Variants in CDH13 observed in about 807,000 individuals in gnomAD.
CDH13 encodes the protein cadherin 13.
CDH13 carries 24 observed loss-of-function variants against 63.8 expected under a neutral mutation model. The observed-to-expected ratio is 0.38, with a 90% confidence interval of 0.27 to 0.53. CDH13 has a LOEUF of 0.53. Ranked by LOEUF, CDH13 falls within the 20% of genes least tolerant of loss-of-function variation. The pLI, the probability that CDH13 is intolerant of heterozygous loss-of-function variation, is 0.85. For missense variants in CDH13, 1,049 were observed against 903.1 expected, an observed-to-expected ratio of 1.16 and a Z score of -2.07; for synonymous variants, 503 against 355.3, an observed-to-expected ratio of 1.42 and a Z score of -4.67.
intron 4 of CDH13, among the ~76,000 whole-genome samples, chr16:83,204,602 G>A (rs535739395): frequency 4.6e-5 from 7 of 152,268 alleles, no homozygotes; most frequent in South Asian, 2.1e-4. Flanking sequence ...CACGTTGTCC[G>A]TGAGCCCTGA....
chr16:83,363,678 C>T (rs1046164321), intron 6 of CDH13, among the ~76,000 whole-genome samples: 16 of 152,192 alleles, frequency 1.1e-4, no homozygotes, highest in African/African-American at 3.6e-4. Context: ...GATGATGTCA[C>T]ACCAGAGAAT....
Position 83,301,556 on chromosome 16 carries a change from G to C in CDH13, c.637-43306G>C, listed in dbSNP as rs556584934. ...CTCGTGGGGAGGGAGCAGTGAAACT[G>C]GTGGAGCAAGCAAGGTCGGACCGAC... On this transcript the variant is annotated intron_variant, in intron 5 of 13. Transcript: ENST00000567109. Among the ~76,000 whole-genome samples, 162 of 152,210 alleles carry C rather than the reference G, an allele frequency of 1.1e-3. 3 individuals are homozygous for C. In the South Asian group the frequency reaches 0.026, roughly 24 times the overall value.
intron 1 of CDH13, among the ~76,000 whole-genome samples, chr16:82,649,180 A>T (rs1910448009): frequency 6.6e-6 from 1 of 152,236 alleles, no homozygotes; most frequent in South Asian, 2.1e-4. Flanking sequence ...TTCCTATTTT[A>T]CAAATGACAT....
chr16:83,140,374 A>G (rs548127193), intron 4 of CDH13, among the ~76,000 whole-genome samples: 1 of 152,172 alleles, frequency 6.6e-6, no homozygotes, highest in Non-Finnish European at 1.5e-5. Context: ...GCCAACACTG[A>G]GTTTCAGGGC....
intron 11 of CDH13, among the ~76,000 whole-genome samples, chr16:83,750,244 C>G (rs145584319): frequency 2.6e-5 from 4 of 151,850 alleles, no homozygotes; most frequent in Non-Finnish European, 5.9e-5. Context: ...TGCAGTGAGC[C>G]GAGATTATGC....
At chr16:83,011,108 GC>G (rs1315242520) in intron 2 of CDH13, among the ~76,000 whole-genome samples, 1 of 152,164 alleles carries the variant, frequency 6.6e-6, no homozygotes, top group Non-Finnish European at 1.5e-5. Flanking sequence ...AATCTTTGGG[GC>G]TCAGTTTACT....
In CDH13 at chr16:83,067,294, G is replaced by A. The variant is rs76174134; in HGVS notation, c.366+35076G>A. Among the ~76,000 whole-genome samples, 190 of 152,226 alleles carry A rather than the reference G, an allele frequency of 1.2e-3. 7 individuals carry two copies. The East Asian group carries it at 0.032, about 26-fold the overall frequency. On this transcript the variant is annotated intron_variant, in intron 3 of 13. Coordinates refer to ENST00000567109, the MANE Select transcript of CDH13 (RefSeq NM_001257.5). ...TGCATAGTACAGTGGTTAACGGCACGGGCTGAGAACTGAGGAATACCTACT... is the reference window on the plus strand; with the variant it reads ...TGCATAGTACAGTGGTTAACGGCACAGGCTGAGAACTGAGGAATACCTACT...
chr16:83,440,784 CAAAAAA>C (rs34731612), intron 6 of CDH13, among the ~76,000 whole-genome samples: 4 of 123,590 alleles, frequency 3.2e-5, no homozygotes, highest in Admixed American at 1.6e-4. Context: ...GACTTCATCT[CAAAAAA>C]AAAAAAAAAA....
chr16:83,598,584 AAT>A (rs1467522340), intron 7 of CDH13, among the ~76,000 whole-genome samples: 1 of 152,176 alleles, frequency 6.6e-6, no homozygotes, highest in Non-Finnish European at 1.5e-5. Flanking sequence ...CAATAGTTGC[AAT>A]ATTAGTCAAA....
chr16:82,716,976 C>T (rs577248162), intron 1 of CDH13, among the ~76,000 whole-genome samples: 8 of 152,048 alleles, frequency 5.3e-5, no homozygotes, highest in Non-Finnish European at 1.0e-4. Context: ...ATTCCTTCGT[C>T]CAGACAGGAA....
intron 5 of CDH13, among the ~76,000 whole-genome samples, chr16:83,274,290 T>G (rs928861558): frequency 6.6e-6 from 1 of 152,216 alleles, no homozygotes; most frequent in Admixed American, 6.5e-5. Context: ...TAGAAAGCAC[T>G]GGTTGCTGGA....
At chr16:82,773,240 T>C (rs747752999) in intron 1 of CDH13, 4 of 152,362 alleles carry the variant, frequency 2.6e-5, no homozygotes, top group Non-Finnish European at 5.9e-5. Context: ...GAGAGATAAA[T>C]GTCCCTCTTG....
chr16:83,128,874 C>A (rs2035926145), intron 4 of CDH13, among the ~76,000 whole-genome samples: 1 of 152,228 alleles, frequency 6.6e-6, no homozygotes, highest in Non-Finnish European at 1.5e-5. Flanking sequence ...AGATTCTCTA[C>A]AAAGCAACTG....
chr16:83,136,440 C>T (rs1312804735), intron 4 of CDH13, among the ~76,000 whole-genome samples: 2 of 148,914 alleles, frequency 1.3e-5, no homozygotes, highest in South Asian at 4.3e-4. Flanking sequence ...GAGCCGAGAT[C>T]GCTCCACTGC....
intron 2 of CDH13, among the ~76,000 whole-genome samples, chr16:82,872,935 T>C (rs1214158753): frequency 1.3e-5 from 2 of 152,088 alleles, no homozygotes; most frequent in African/African-American, 4.8e-5. Flanking sequence ...TTTGATGATA[T>C]CAGAGAGAGA....
chr16:83,473,186 C>A (rs1050566246), intron 6 of CDH13, among the ~76,000 whole-genome samples: 2 of 152,146 alleles, frequency 1.3e-5, no homozygotes, highest in South Asian at 4.1e-4. Flanking sequence ...TAAAGCAACT[C>A]CTTCTAATTC....
chr16:83,491,493 A>C (rs2074010259), intron 7 of CDH13, among the ~76,000 whole-genome samples: 1 of 152,044 alleles, frequency 6.6e-6, no homozygotes, highest in African/African-American at 2.4e-5. Flanking sequence ...CTAGACTGAA[A>C]TTCATCTGCT....
intron 4 of CDH13, among the ~76,000 whole-genome samples, chr16:83,168,031 G>T (rs9921919): frequency 0.016 from 2,413 of 151,982 alleles, 78 homozygotes; most frequent in African/African-American, 0.055. Context: ...GGCAACAATA[G>T]ACAGTGGGGA....
At position 83,647,026 on chromosome 16, in the gene CDH13, A is replaced by T. The variant is rs569388492; in HGVS notation, c.1102-23764A>T. Among the ~76,000 whole-genome samples the T allele has an allele frequency of 2.0e-5, 3 of 151,844 alleles. No individual in the cohort carries two copies. The South Asian group carries it at 6.3e-4, about 32-fold the overall frequency. On this transcript the variant is annotated intron_variant, in intron 8 of 13. Transcript: ENST00000567109. ...CCCCTGGGTCTTAAATTACAGTAACATCGGCCAGGCGCGGTGGCTCACGCC... is the reference window on the plus strand; with the variant it reads ...CCCCTGGGTCTTAAATTACAGTAACTTCGGCCAGGCGCGGTGGCTCACGCC...
Sources: gnomAD v4.1 joint callset for allele counts (sites outside exome capture counted in the v4.1 genomes callset) on GRCh38, gnomAD v4.1.1 for gene constraint, MANE v1.5 for transcripts, NCBI Gene and HGNC (gene_info 2026-07-23, HGNC 2026-07-21) for gene names.